Variants in LRRK1 observed in about 807,000 individuals in gnomAD.
LRRK1 encodes leucine rich repeat kinase 1, also known as leucine-rich repeat serine/threonine-protein kinase 1.
In LRRK1, 113 loss-of-function variants were observed where a neutral mutation model predicts 209.1. The observed-to-expected ratio is 0.54, with a 90% CI of 0.46 to 0.63. LRRK1 has a LOEUF of 0.63. Among genes scored for constraint, LRRK1 ranks in the 30% least tolerant of loss-of-function variants. The pLI, the probability that LRRK1 is intolerant of heterozygous loss-of-function variation, is 0.00. For missense variants in LRRK1, 2,284 were observed against 2,632.2 expected (o/e 0.87, Z 2.89); for synonymous variants, 1,144 against 1,099.7 (o/e 1.04, Z -0.80).
At chr15:100,941,390 CTG>C (rs2042417931) in intron 2 of LRRK1, among the ~76,000 whole-genome samples, 1 of 125,006 alleles carries the variant, frequency 8.0e-6, no homozygotes, top group African/African-American at 3.2e-5. Flanking sequence ...GTCTGTGTCT[CTG>C]TGTGTGTCTG....
chr15:100,922,848 T>C (rs1374985820), intron 1 of LRRK1, among the ~76,000 whole-genome samples: 1 of 152,200 alleles, frequency 6.6e-6, no homozygotes, highest in Non-Finnish European at 1.5e-5. Context: ...CTGAAACATG[T>C]GCAGCTTGCA....
chr15:100,928,262 T>C (rs2042148146), intron 2 of LRRK1, among the ~76,000 whole-genome samples: 1 of 152,256 alleles, frequency 6.6e-6, no homozygotes, highest in Admixed American at 6.5e-5. Context: ...CTCTTTGCCT[T>C]GAAGTCTTTC....
intron 2 of LRRK1, among the ~76,000 whole-genome samples, chr15:100,965,036 TG>T (rs1441149529): frequency 1.3e-5 from 2 of 152,186 alleles, no homozygotes; most frequent in African/African-American, 4.8e-5. Flanking sequence ...ATGGACAGAC[TG>T]GGGCGGTGTC....
chr15:101,007,597 A>T (rs2033020332), intron 6 of LRRK1, among the ~76,000 whole-genome samples: 1 of 152,216 alleles, frequency 6.6e-6, no homozygotes, highest in Non-Finnish European at 1.5e-5. Context: ...AGAGACCCAC[A>T]GGCTGGCAGA....
At position 101,066,753 on chromosome 15, in the gene LRRK1, T is replaced by C. The variant is rs959978404; in HGVS notation, c.5870+12T>C. 1.2e-6 allele frequency: 2 copies of C among 1,606,718 alleles called. No individual in the cohort carries two copies. The highest frequency in any genetic ancestry group is 2.2e-5 in the South Asian group (2 of 90,932). ...CTGACTCCGCATGGGTAAGACTGAG[T>C]GGCAGCTCCTTTAGGACCCAGGCAG... On this transcript the variant is annotated intron_variant, in intron 33 of 33. Transcript: ENST00000388948.
At chr15:101,033,424 T>C (rs2034366931) in intron 20 of LRRK1, among the ~76,000 whole-genome samples, 1 of 152,166 alleles carries the variant, frequency 6.6e-6, no homozygotes, top group African/African-American at 2.4e-5. Flanking sequence ...TTCCTCCCAC[T>C]CTCACACCCT....
chr15:100,960,913 C>G (rs2029897426), intron 2 of LRRK1, among the ~76,000 whole-genome samples: 1 of 152,104 alleles, frequency 6.6e-6, no homozygotes, highest in African/African-American at 2.4e-5. Flanking sequence ...TCTAATGAGA[C>G]AGGGTCATCT....
At chr15:100,950,833 G>T (rs2141621656) in intron 2 of LRRK1, among the ~76,000 whole-genome samples, 1 of 152,376 alleles carries the variant, frequency 6.6e-6, no homozygotes, top group South Asian at 2.1e-4. Context: ...GCCGGGCGCG[G>T]TGGCTCGCGC....
intron 6 of LRRK1, among the ~76,000 whole-genome samples, chr15:101,003,974 A>G (rs533706120): frequency 1.7e-4 from 26 of 152,284 alleles, no homozygotes; most frequent in Middle Eastern, 3.4e-3. Context: ...CAGCACGGCT[A>G]CACCCTTGTG....
intron 2 of LRRK1, among the ~76,000 whole-genome samples, chr15:100,959,668 A>G (rs4965345): frequency 0.7 from 107,205 of 152,100 alleles, 38,119 homozygotes; most frequent in Middle Eastern, 0.76. Flanking sequence ...TTGTGTGCTC[A>G]CCGCTTCTCT....
rs142982803 is a variant in LRRK1 at position 100,975,293 on chromosome 15, G to C, written c.261+1326G>C. ...TAGTGGCTCATTCCAGAGCTGTGCA[G>C]ATTCAGGGATGTGGCAGCAGCAGGA... On this transcript the variant is annotated intron_variant, in intron 3 of 33. Coordinates refer to ENST00000388948, the MANE Select transcript of LRRK1 (RefSeq NM_024652.6). Among the ~76,000 whole-genome samples the C allele has an allele frequency of 1.6e-3, 245 of 152,372 alleles. 1 individual carries two copies. Among genetic ancestry groups the C allele is most frequent in the Non-Finnish European group, 2.9e-3 (199 of 68,038 alleles).
At chr15:100,970,266 TGTAAA>T (rs1253242679) in intron 2 of LRRK1, among the ~76,000 whole-genome samples, 2 of 152,214 alleles carry the variant, frequency 1.3e-5, no homozygotes, top group Non-Finnish European at 2.9e-5. Flanking sequence ...ACTTTGCTAT[TGTAAA>T]TAGTGCTGTA....
At chr15:101,032,466 G>T (rs1371335846) in intron 20 of LRRK1, among the ~76,000 whole-genome samples, 1 of 136,676 alleles carries the variant, frequency 7.3e-6, no homozygotes, top group East Asian at 2.1e-4. Context: ...TCAGATATAT[G>T]ATTTGCAAAT....
chr15:100,983,140 A>C (rs913282798), intron 3 of LRRK1, among the ~76,000 whole-genome samples: 1 of 152,220 alleles, frequency 6.6e-6, no homozygotes, highest in African/African-American at 2.4e-5. Context: ...GCACTACTGC[A>C]CTCCAGCTTG....
intron 2 of LRRK1, among the ~76,000 whole-genome samples, chr15:100,931,822 C>T (rs1473470667): frequency 1.3e-5 from 2 of 152,208 alleles, no homozygotes; most frequent in African/African-American, 2.4e-5. Flanking sequence ...TGAGCATTCT[C>T]CTGGTGCCTG....
chr15:101,010,822 C>G lies in LRRK1; in HGVS notation c.1266C>G (p.Pro422=). Residue 422 remains proline (P), a synonymous_variant, in exon 9 of 34, where the codon CCC becomes CCG. Transcript: ENST00000388948. ...ACAACCTGAAGGTGTTTCCAGATCC[C>G]TGGGCCTGCCCTTTGGTGAGTATCA... is the stretch of plus-strand genomic sequence containing the variant. The part of the protein sequence containing the change: ...SRNNLKVFPD[P]WACPLKCCKA... 6.2e-7 allele frequency: 1 copy of G among 1,612,772 alleles called. No individual in the cohort carries two copies. Among genetic ancestry groups the G allele is most frequent in the Non-Finnish European group, 8.5e-7 (1 of 1,179,672 alleles).
At chr15:101,007,251 T>C (rs958649964) in intron 6 of LRRK1, among the ~76,000 whole-genome samples, 3 of 152,218 alleles carry the variant, frequency 2.0e-5, no homozygotes, top group African/African-American at 7.2e-5. Context: ...CATTTTCCCA[T>C]TTGCGAAGCA....
Position 101,009,159 on chromosome 15 carries a change from G to A in LRRK1, c.989+96G>A, listed in dbSNP as rs182270522. 730 of 1,000,048 alleles carry A rather than the reference G, an allele frequency of 7.3e-4. 3 individuals carry two copies. In the Middle Eastern group the frequency reaches 0.011, roughly 15 times the overall value. 61.9% of individuals were successfully genotyped at this position (1,000,048 alleles called of 1,614,324 possible). On this transcript the variant is annotated intron_variant, in intron 7 of 33. Coordinates refer to ENST00000388948, the MANE Select transcript of LRRK1 (RefSeq NM_024652.6). ...CGGGTTGTATTTTGTGGTTTTGGGG[G>A]AAAAATGTTCTGGCTAAAATAGGAG...
chr15:100,973,775 G>T, intron 2 of LRRK1, 29 bp from the exon 3 acceptor site: 1 of 1,266,488 alleles, frequency 7.9e-7, no homozygotes, highest in Non-Finnish European at 1.0e-6. Flanking sequence ...GGGCGGTGAC[G>T]CCGTGTGTGT....
Sources: allele counts gnomAD v4.1 joint callset (sites outside exome capture counted in the v4.1 genomes callset), GRCh38; gene constraint gnomAD v4.1.1; transcripts MANE v1.5; gene names NCBI Gene and HGNC (gene_info 2026-07-23, HGNC 2026-07-21).